The following LMNTD1 variants were observed in gnomAD, a reference collection of about 807,000 sequenced individuals.
LMNTD1 encodes lamin tail domain containing 1, also known as lamin tail domain-containing protein 1.
Under a neutral mutation model 50.9 loss-of-function variants are expected in LMNTD1, and 35 were observed. The observed-to-expected ratio is 0.69, with a 90% confidence interval of 0.53 to 0.91. LMNTD1 has a LOEUF of 0.91. Among genes scored for constraint, LMNTD1 ranks in the 40% least tolerant of loss-of-function variants. The probability of loss-of-function intolerance (pLI) is 0.00; values close to 1 mark genes in which losing one functional copy is unlikely to be tolerated. For synonymous variants in LMNTD1, 153 were observed against 161.9 expected (o/e 0.94, Z 0.42); for missense variants, 470 against 475.5 (o/e 0.99, Z 0.11).
Position 25,569,482 on chromosome 12 carries a change from G to A in LMNTD1, c.59-22928C>T, listed in dbSNP as rs1944696479. 2.0e-5 allele frequency among the ~76,000 whole-genome samples: 3 copies of A among 152,286 alleles called. No individual in the cohort carries two copies. In the South Asian group the frequency reaches 6.2e-4, roughly 32 times the overall value. On this transcript the variant is annotated intron_variant, in intron 1 of 7. Transcript: ENST00000445693. ...ATGTTGGAATGAGTTAAGACTTTGGGGGACTGTTGGGAAGAGATTATTGTG... is the reference window on the plus strand; with the variant it reads ...ATGTTGGAATGAGTTAAGACTTTGGAGGACTGTTGGGAAGAGATTATTGTG...
chr12:25,645,081 G>A (rs1397648351), intron 1 of LMNTD1, among the ~76,000 whole-genome samples: 1 of 152,146 alleles, frequency 6.6e-6, no homozygotes, highest in Non-Finnish European at 1.5e-5. Flanking sequence ...CAGTACTAAG[G>A]GCCTATTTGA....
chr12:25,557,475 ACTGT>A (rs1370170966), upstream of LMNTD1: 2 of 152,210 alleles, frequency 1.3e-5, no homozygotes, highest in Admixed American at 1.3e-4. Context: ...GTTCAAAATA[ACTGT>A]CTAATTACTT....
chr12:25,527,733 TATATAC>T (rs1941914760), intron 4 of LMNTD1, among the ~76,000 whole-genome samples: 1 of 141,358 alleles, frequency 7.1e-6, no homozygotes, highest in Non-Finnish European at 1.5e-5. Context: ...TACACACATA[TATATAC>T]ATATATATGT....
chr12:25,635,829 A>T (rs1383347099), intron 1 of LMNTD1, among the ~76,000 whole-genome samples: 3 of 151,612 alleles, frequency 2.0e-5, no homozygotes, highest in African/African-American at 7.3e-5. Context: ...AAATAAACCC[A>T]CATACTTACA....
Position 25,494,920 on chromosome 12 carries a change from G to A in LMNTD1, c.*22+8818C>T, listed in dbSNP as rs145761030. Among the ~76,000 whole-genome samples the A allele has an allele frequency of 2.9e-3, 438 of 152,140 alleles. 4 individuals carry two copies. The highest frequency in any genetic ancestry group is 1.0e-2 in the African/African-American group (413 of 41,490). ...ATACATCATTATTAACTGTCACTGG[G>A]GTGTAAAATAGATTTCCAGAACTTG... is the stretch of plus-strand genomic sequence containing the variant. On this transcript the variant is annotated intron_variant, in intron 9 of 9. Transcript: ENST00000458174.
chr12:25,538,278 C>G (rs1438032243), intron 4 of LMNTD1, among the ~76,000 whole-genome samples: 1 of 140,656 alleles, frequency 7.1e-6, no homozygotes, highest in African/African-American at 2.6e-5. Context: ...TCGTCAGATT[C>G]ACCAAAGTTG....
rs1195768332 is a variant in LMNTD1 at position 25,561,264 on chromosome 12, T to C, written c.59-14710A>G. 1.3e-5 allele frequency among the ~76,000 whole-genome samples: 2 copies of C among 152,238 alleles called. 1 individual carries two copies. Among genetic ancestry groups the C allele is most frequent in the Non-Finnish European group, 2.9e-5 (2 of 68,036 alleles). The stretch of plus-strand genomic sequence containing the variant: ...TGTCAATTTTAGGTCTTTCCTGCTT[T>C]CTCTTGTGGGCATTTAGTGCTATAA... On this transcript the variant is annotated intron_variant, in intron 1 of 7. Transcript: ENST00000445693.
chr12:25,622,385 T>A (rs990437726), intron 1 of LMNTD1, among the ~76,000 whole-genome samples: 2 of 151,032 alleles, frequency 1.3e-5, no homozygotes, highest in Admixed American at 1.3e-4. Context: ...AACTGCAGAG[T>A]TCATGCATGA....
In LMNTD1 at chr12:25,526,954, A is replaced by C; in HGVS notation, c.493T>G (p.Ser165Ala). The C allele has an allele frequency of 1.3e-6, 2 of 1,595,720 alleles. No homozygotes were observed. The change falls in exon 5 of 10, where the codon TCT becomes GCT. Residue 165 changes from serine (S) to alanine (A), a missense_variant and splice_region_variant. Physicochemically the swap from Ser to Ala is moderately conservative, Grantham distance 99 (BLOSUM62 1). Transcript: ENST00000458174. ...TCAGCTATTTCAACATCTCCAAGAG[A>C]ACTAGAAAATAAAACACAAAGATTG... is the stretch of plus-strand genomic sequence containing the variant. The part of the protein sequence containing the change: ...LEEVGQFTSS[S>A]LGDVEIAEVN...
chr12:25,543,112 A>T (rs1253100450), intron 4 of LMNTD1, among the ~76,000 whole-genome samples: 1 of 152,090 alleles, frequency 6.6e-6, no homozygotes, highest in Non-Finnish European at 1.5e-5. Context: ...ATATCTATTT[A>T]AAAACAATTT....
intron 9 of LMNTD1, among the ~76,000 whole-genome samples, chr12:25,493,065 T>C (rs980512774): frequency 3.3e-5 from 5 of 152,344 alleles, no homozygotes; most frequent in East Asian, 1.9e-4. Context: ...CCTTGGCACC[T>C]ATCTGCAATT....
intron 9 of LMNTD1, among the ~76,000 whole-genome samples, chr12:25,488,819 G>A (rs918046380): frequency 7.9e-5 from 12 of 152,328 alleles, no homozygotes; most frequent in Non-Finnish European, 8.8e-5. Flanking sequence ...CGGTGTGGAT[G>A]TCCTTTCTGT....
At chr12:25,558,099 G>C (rs543796860), upstream of LMNTD1, among the ~76,000 whole-genome samples, 1 of 152,220 alleles carries the variant, frequency 6.6e-6, no homozygotes, top group East Asian at 1.9e-4. Flanking sequence ...CTCAATTAAA[G>C]GAGTAAGAAA....
intron 1 of LMNTD1, among the ~76,000 whole-genome samples, chr12:25,645,655 C>A (rs905582613): frequency 6.6e-6 from 1 of 152,188 alleles, no homozygotes; most frequent in Non-Finnish European, 1.5e-5. Flanking sequence ...GATACAGCAA[C>A]ATCACAGCAC....
At chr12:25,613,407 G>A (rs1946289213) in intron 1 of LMNTD1, among the ~76,000 whole-genome samples, 2 of 152,214 alleles carry the variant, frequency 1.3e-5, no homozygotes, top group African/African-American at 2.4e-5. Context: ...ACTGGGCCTT[G>A]GTTTCCTGAG....
At chr12:25,487,331 A>C (rs1364852009) in intron 9 of LMNTD1, among the ~76,000 whole-genome samples, 1 of 136,722 alleles carries the variant, frequency 7.3e-6, no homozygotes, top group Non-Finnish European at 1.6e-5. Flanking sequence ...TATTGGGTGC[A>C]TATATATTTA....
At chr12:25,504,831 T>G (rs920730051) in intron 8 of LMNTD1, among the ~76,000 whole-genome samples, 2 of 152,246 alleles carry the variant, frequency 1.3e-5, no homozygotes, top group African/African-American at 4.8e-5. Flanking sequence ...CACATCACAG[T>G]ATAAACTTGC....
At chr12:25,612,101 A>G (rs1946257365) in intron 1 of LMNTD1, among the ~76,000 whole-genome samples, 1 of 152,234 alleles carries the variant, frequency 6.6e-6, no homozygotes, top group African/African-American at 2.4e-5. Flanking sequence ...GTGTTCAGTG[A>G]AGTAGAGGGC....
chr12:25,537,744 A>G (rs1277705848), intron 4 of LMNTD1, among the ~76,000 whole-genome samples: 5 of 152,128 alleles, frequency 3.3e-5, no homozygotes, highest in South Asian at 2.1e-4. Flanking sequence ...ACGAGCTGAG[A>G]GAAGAAGGCT....
Sources: gnomAD v4.1 joint callset for allele counts (sites outside exome capture counted in the v4.1 genomes callset) on GRCh38, gnomAD v4.1.1 for gene constraint, MANE v1.5 for transcripts, NCBI Gene and HGNC (gene_info 2026-07-23, HGNC 2026-07-21) for gene names.